Variants in USH2A observed in about 807,000 individuals in gnomAD.
USH2A encodes Usher syndrome 2A (autosomal recessive, mild).
USH2A carries 443 observed loss-of-function variants against 538.9 expected under a neutral mutation model. The observed-to-expected ratio is 0.82, with a 90% CI of 0.76 to 0.89. The LOEUF (loss-of-function observed/expected upper bound fraction) is 0.89, where lower values mean the gene tolerates loss of function less well. Among genes scored for constraint, USH2A ranks in the 40% least tolerant of loss-of-function variants. The pLI, the probability that USH2A is intolerant of heterozygous loss-of-function variation, is 0.00. For synonymous variants in USH2A, 2,413 were observed against 2,273.5 expected (o/e 1.06, Z -1.75); for missense variants, 6,633 against 6,324.8 (o/e 1.05, Z -1.65).
chr1:215,722,292 A>C (rs555610422), intron 61 of USH2A, among the ~76,000 whole-genome samples: 1 of 152,310 alleles, frequency 6.6e-6, no homozygotes, highest in East Asian at 1.9e-4. Flanking sequence ...GTCCTTTTAG[A>C]AAGCTACATC....
chr1:216,160,751 A>C (rs1416552947), intron 21 of USH2A, among the ~76,000 whole-genome samples: 1 of 152,216 alleles, frequency 6.6e-6, no homozygotes, highest in African/African-American at 2.4e-5. Context: ...CACATGTTTT[A>C]TATACAGATG....
chr1:216,420,208 T>A (rs1009932392), intron 2 of USH2A, among the ~76,000 whole-genome samples: 1 of 152,120 alleles, frequency 6.6e-6, no homozygotes, highest in Non-Finnish European at 1.5e-5. Context: ...CAAGTGAGAA[T>A]TCGACCATTA....
At chr1:215,833,222 G>T (rs1384121799) in intron 47 of USH2A, among the ~76,000 whole-genome samples, 1 of 151,756 alleles carries the variant, frequency 6.6e-6, no homozygotes, top group Non-Finnish European at 1.5e-5. Flanking sequence ...TATATGGACA[G>T]GCAAAGTAGT....
Position 215,934,735 on chromosome 1 carries a change from T to G in USH2A, c.7181A>C (p.Asn2394Thr). ...CAGCCCATCGATGAGCACCCAAAGG[T>G]TTGTCTCTTCTCCGCTGTACATGAC... is the stretch of plus-strand genomic sequence containing the variant. ...TKVMYSGEET[N>T]LWVLIDGLVP... Residue 2394 changes from asparagine (N) to threonine (T), a missense_variant, in exon 38 of 72, where the codon AAC becomes ACC. Coordinates refer to ENST00000307340, the MANE Select transcript of USH2A (RefSeq NM_206933.4). 1 of 1,612,850 alleles carries G rather than the reference T, an allele frequency of 6.2e-7. No homozygotes were observed.
At position 215,680,186 on chromosome 1, in the gene USH2A, T is replaced by A. The variant is rs1384266563; in HGVS notation, c.12257A>T (p.Gln4086Leu). The change falls in exon 62 of 72, where the codon CAG (glutamine) becomes CTG (leucine). Residue 4086 changes from glutamine to leucine, a missense_variant. By Grantham distance (113) the Gln-to-Leu change is moderately radical. Coordinates refer to ENST00000307340, the MANE Select transcript of USH2A (RefSeq NM_206933.4). ...ATTGGTTCTCATAGGTTCTGACCAC[T>A]GTAGTAGCAATGCCCGGCCATTCTC... ...QKENGRALLL[Q>L]WSEPMRTNGV... is the part of the protein sequence containing the mutation. 2.5e-6 allele frequency: 4 copies of A among 1,614,156 alleles called. No homozygotes were observed.
At chr1:216,280,937 G>A (rs1217878343) in intron 11 of USH2A, among the ~76,000 whole-genome samples, 1 of 152,100 alleles carries the variant, frequency 6.6e-6, no homozygotes. Context: ...GATTGAAATT[G>A]CATGAATTTT....
At position 215,926,142 on chromosome 1, in the gene USH2A, T is replaced by A. The variant is rs184694639; in HGVS notation, c.7300+8474A>T. ...TTTGCAATTCTTATTTATTTACTCTTTTGCTCTTTCGTATATTCTTGCTTT... is the reference window on the plus strand; with the variant it reads ...TTTGCAATTCTTATTTATTTACTCTATTGCTCTTTCGTATATTCTTGCTTT... On this transcript the variant is annotated intron_variant, in intron 38 of 71. Coordinates refer to ENST00000307340, the MANE Select transcript of USH2A (RefSeq NM_206933.4). 9.2e-5 allele frequency among the ~76,000 whole-genome samples: 14 copies of A among 151,772 alleles called. No individual in the cohort carries two copies. In the East Asian group the frequency reaches 2.5e-3, roughly 27 times the overall value.
intron 4 of USH2A, among the ~76,000 whole-genome samples, chr1:216,340,952 T>C (rs1235941204): frequency 6.6e-6 from 1 of 152,144 alleles, no homozygotes. Flanking sequence ...GGATCCCTTC[T>C]TTCATCATTC....
At chr1:216,192,744 G>C (rs1388360209) in intron 19 of USH2A, among the ~76,000 whole-genome samples, 1 of 151,874 alleles carries the variant, frequency 6.6e-6, no homozygotes, top group Admixed American at 6.6e-5. Context: ...ATATATCTAT[G>C]TCCTTATTCC....
chr1:216,122,236 G>A (rs544681090), intron 21 of USH2A, among the ~76,000 whole-genome samples: 130 of 152,128 alleles, frequency 8.5e-4, no homozygotes, highest in African/African-American at 2.9e-3. Flanking sequence ...CTGCAAGCAC[G>A]GGAGAAAAGT....
At chr1:216,127,136 G>A (rs1443268225) in intron 21 of USH2A, among the ~76,000 whole-genome samples, 1 of 152,196 alleles carries the variant, frequency 6.6e-6, no homozygotes, top group Non-Finnish European at 1.5e-5. Context: ...TACTTTCTGA[G>A]AAGTTTTGGA....
chr1:216,328,491 T>C (rs1558040267), intron 4 of USH2A, among the ~76,000 whole-genome samples: 1 of 152,168 alleles, frequency 6.6e-6, no homozygotes, highest in Non-Finnish European at 1.5e-5. Flanking sequence ...TTTCAATAAT[T>C]GTTTATTTCA....
At chr1:216,044,093 A>G (rs1246719952) in intron 32 of USH2A, among the ~76,000 whole-genome samples, 1 of 152,142 alleles carries the variant, frequency 6.6e-6, no homozygotes, top group Non-Finnish European at 1.5e-5. Context: ...AAACAAATAT[A>G]GTTGTGTCCT....
intron 41 of USH2A, among the ~76,000 whole-genome samples, chr1:215,883,750 C>A (rs1664979696): frequency 6.6e-6 from 1 of 152,086 alleles, no homozygotes; most frequent in African/African-American, 2.4e-5. Context: ...TTCCAATGAC[C>A]ATTTGTCTTT....
chr1:215,811,144 G>A (rs965102229), intron 49 of USH2A, among the ~76,000 whole-genome samples: 17 of 152,140 alleles, frequency 1.1e-4, no homozygotes, highest in African/African-American at 3.9e-4. Flanking sequence ...GTCCATTCCT[G>A]GGCATAGGCC....
intron 67 of USH2A, 106 bp downstream of exon 67, chr1:215,647,416 G>A: frequency 1.2e-5 from 16 of 1,326,096 alleles, no homozygotes; most frequent in Non-Finnish European, 1.7e-5. Flanking sequence ...GTGTTATTGA[G>A]CCCACTCAAT....
At chr1:215,934,549 A>T in intron 38 of USH2A, 67 bp downstream of exon 38, 1 of 1,506,428 alleles carries the variant, frequency 6.6e-7, no homozygotes, top group East Asian at 2.3e-5. Context: ...TAAACAAGGT[A>T]TTCAATGGAA....
intron 45 of USH2A, among the ~76,000 whole-genome samples, chr1:215,845,060 G>A (rs189754523): frequency 4.8e-4 from 73 of 152,218 alleles, no homozygotes; most frequent in Non-Finnish European, 7.9e-4. Flanking sequence ...CTTGCTTAGC[G>A]TTAAATTGCA....
At chr1:215,983,604 C>T (rs959197318) in intron 35 of USH2A, among the ~76,000 whole-genome samples, 18 of 152,108 alleles carry the variant, frequency 1.2e-4, no homozygotes, top group African/African-American at 3.4e-4. Context: ...TTTATCTTCA[C>T]GCACTACCCC....
Sources: allele counts gnomAD v4.1 joint callset (sites outside exome capture counted in the v4.1 genomes callset), GRCh38; gene constraint gnomAD v4.1.1; transcripts MANE v1.5; gene names NCBI Gene and HGNC (gene_info 2026-07-23, HGNC 2026-07-21).